The following MTCL2 variants were observed in gnomAD, a reference collection of about 807,000 sequenced individuals.
MTCL2 encodes microtubule crosslinking factor 2.
chr20:36,832,801 C>T, the MTCL2 span, among the ~76,000 whole-genome samples: 1 of 152,248 alleles, frequency 6.6e-6, no homozygotes, highest in Admixed American at 6.5e-5. Context: ...TGAGATTGCA[C>T]CACTGCACTC....
chr20:36,843,684 C>T, the MTCL2 span, among the ~76,000 whole-genome samples: 3 of 152,190 alleles, frequency 2.0e-5, no homozygotes, highest in Non-Finnish European at 4.4e-5. Context: ...TGCCGGTTAC[C>T]AGCACCTCAC....
chr20:36,857,301 A>G, the MTCL2 span, among the ~76,000 whole-genome samples: 1 of 152,092 alleles, frequency 6.6e-6, no homozygotes, highest in Non-Finnish European at 1.5e-5. Flanking sequence ...TGGGGGTTGC[A>G]GCAGGGTCTG....
chr20:36,809,432 TC>T, the MTCL2 span, among the ~76,000 whole-genome samples: 1 of 151,996 alleles, frequency 6.6e-6, no homozygotes, highest in South Asian at 2.1e-4. Context: ...GAAACTGAGG[TC>T]CTGAGAGAAA....
At chr20:36,852,828 G>A in the MTCL2 span, among the ~76,000 whole-genome samples, 8 of 152,140 alleles carry the variant, frequency 5.3e-5, no homozygotes, top group South Asian at 1.2e-3. Flanking sequence ...AGGCTGAGGC[G>A]GGTGGATCAC....
the MTCL2 span, among the ~76,000 whole-genome samples, chr20:36,842,500 G>A: frequency 3.5e-3 from 535 of 152,340 alleles, 3 homozygotes; most frequent in African/African-American, 0.012. Context: ...GGCCAGGTGC[G>A]GTGGCTCACG....
At chr20:36,817,551 CA>C in the MTCL2 span, 17 of 1,391,508 alleles carry the variant, frequency 1.2e-5, no homozygotes, top group Non-Finnish European at 1.6e-5. Flanking sequence ...AGAGCTGTCA[CA>C]GTGCCCAGGG....
At chr20:36,822,186 G>A in the MTCL2 span, among the ~76,000 whole-genome samples, 3 of 152,386 alleles carry the variant, frequency 2.0e-5, no homozygotes, top group African/African-American at 4.8e-5. Context: ...CTGGCCAGGT[G>A]GCTGGGGGGC....
chr20:36,802,990 T>G, the MTCL2 span: 1 of 1,594,986 alleles, frequency 6.3e-7, no homozygotes, highest in Non-Finnish European at 8.5e-7. Flanking sequence ...GTCAGCTCCA[T>G]GACAGCGCTG....
chr20:36,833,824 C>T, the MTCL2 span, among the ~76,000 whole-genome samples: 3 of 151,398 alleles, frequency 2.0e-5, no homozygotes, highest in African/African-American at 7.3e-5. Flanking sequence ...CGTACTGCAG[C>T]CTGGGTGACA....
At chr20:36,778,120 GAAAC>G in the MTCL2 span, 8 of 336,894 alleles carry the variant, frequency 2.4e-5, no homozygotes, top group Non-Finnish European at 3.8e-5. Context: ...CAGGAGCAGG[GAAAC>G]AAACAATGTG....
the MTCL2 span, chr20:36,805,978 T>G: frequency 6.3e-7 from 1 of 1,589,110 alleles, no homozygotes; most frequent in Non-Finnish European, 8.5e-7. Flanking sequence ...AAAACCATGC[T>G]TAACAGCAGG....
At chr20:36,841,916 T>A in the MTCL2 span, among the ~76,000 whole-genome samples, 1 of 149,976 alleles carries the variant, frequency 6.7e-6, no homozygotes, top group Non-Finnish European at 1.5e-5. Flanking sequence ...TGTGTGTGTG[T>A]GTATACAGGG....
At chr20:36,831,931 TACTCACTCACTA>T in the MTCL2 span, among the ~76,000 whole-genome samples, 1 of 152,180 alleles carries the variant, frequency 6.6e-6, no homozygotes, top group African/African-American at 2.4e-5. Flanking sequence ...AACTCACTCA[TACTCACTCACTA>T]ACTCACTCAC....
chr20:36,835,715 T>C, the MTCL2 span, among the ~76,000 whole-genome samples: 1 of 151,990 alleles, frequency 6.6e-6, no homozygotes, highest in Non-Finnish European at 1.5e-5. Context: ...AGCTCAGCGC[T>C]CCAGCTGCAG....
chr20:36,801,598 A>T, the MTCL2 span, among the ~76,000 whole-genome samples: 1 of 151,840 alleles, frequency 6.6e-6, no homozygotes, highest in African/African-American at 2.4e-5. Context: ...CAAGAAAGGG[A>T]GGGAGTAGGC....
chr20:36,834,580 T>C, the MTCL2 span, among the ~76,000 whole-genome samples: 2 of 152,080 alleles, frequency 1.3e-5, no homozygotes, highest in African/African-American at 4.8e-5. Context: ...TGGCCTACCC[T>C]CGCCCCCAGA....
At chr20:36,797,075 A>C in the MTCL2 span, 3 of 851,718 alleles carry the variant, frequency 3.5e-6, no homozygotes, top group Non-Finnish European at 3.9e-6. Context: ...GAATGATGTC[A>C]TCAATGATCT....
At chr20:36,792,422 T>G in the MTCL2 span, among the ~76,000 whole-genome samples, 1 of 152,020 alleles carries the variant, frequency 6.6e-6, no homozygotes, top group African/African-American at 2.4e-5. Context: ...ACAGAATTGT[T>G]TGAACCCAGG....
the MTCL2 span, among the ~76,000 whole-genome samples, chr20:36,827,021 G>GATTTATTT: frequency 9.1e-6 from 1 of 110,070 alleles, no homozygotes; most frequent in African/African-American, 3.5e-5. Context: ...TTATCATCCT[G>GATTTATTT]CTTTATTTAT....
Sources: gnomAD v4.1 joint callset for allele counts (sites outside exome capture counted in the v4.1 genomes callset) on GRCh38, gnomAD v4.1.1 for gene constraint, MANE v1.5 for transcripts, NCBI Gene and HGNC (gene_info 2026-07-23, HGNC 2026-07-21) for gene names.